The following CCDC171 variants were observed in gnomAD, a reference collection of about 807,000 sequenced individuals.
CCDC171 encodes coiled-coil domain containing 171, also known as coiled-coil domain-containing protein 171.
A neutral mutation model predicts 168.2 loss-of-function variants in CCDC171; 177 were observed. The observed-to-expected ratio is 1.05, with a 90% CI of 0.93 to 1.19. The LOEUF (loss-of-function observed/expected upper bound fraction) is 1.19, where lower values mean the gene tolerates loss of function less well. Ranked by LOEUF, CCDC171 falls within the 50% of genes most tolerant of loss-of-function variation. The pLI is 0.00. For missense variants in CCDC171, 1,991 were observed against 1,539.0 expected (o/e 1.29, Z -4.91); for synonymous variants, 687 against 540.8 (o/e 1.27, Z -3.75).
At chr9:15,554,972 A>C (rs186106371) in intron 1 of CCDC171, among the ~76,000 whole-genome samples, 2 of 152,194 alleles carry the variant, frequency 1.3e-5, no homozygotes, top group African/African-American at 4.8e-5. Context: ...TTTTTCATCC[A>C]CCCATCCCTC....
At chr9:16,047,174 TG>T (rs1252025985) in intron 1 of CCDC171, among the ~76,000 whole-genome samples, 6 of 152,140 alleles carry the variant, frequency 3.9e-5, no homozygotes, top group African/African-American at 1.4e-4. Flanking sequence ...GGGTGGTGAG[TG>T]GGGGTGGCAT....
the CCDC171 span, among the ~76,000 whole-genome samples, chr9:16,098,182 C>T: frequency 3.9e-5 from 6 of 152,286 alleles, no homozygotes; most frequent in East Asian, 3.9e-4. Flanking sequence ...TAGCTAACAT[C>T]GCTGAGCCTT....
chr9:15,632,924 G>C (rs1482634802), intron 7 of CCDC171, among the ~76,000 whole-genome samples: 4 of 152,158 alleles, frequency 2.6e-5, no homozygotes, highest in Non-Finnish European at 4.4e-5. Flanking sequence ...AACGCGGAAA[G>C]GATTCCCTGT....
At position 15,933,448 on chromosome 9, in the gene CCDC171, A is replaced by G. The variant is rs189869757; in HGVS notation, c.3753+13026A>G. Among the ~76,000 whole-genome samples, 116 of 151,866 alleles carry G rather than the reference A, an allele frequency of 7.6e-4. 1 individual carries two copies. Among genetic ancestry groups the G allele is most frequent in the African/African-American group, 2.7e-3 (111 of 41,496 alleles). On this transcript the variant is annotated intron_variant, in intron 25 of 25. Transcript: ENST00000380701. ...GTTTGTCAATTTTGTTTACTTTTCC[A>G]AAAAACGAATGCTTCAGTTTATTAA...
At chr9:15,662,306 A>C (rs999077444) in intron 8 of CCDC171, among the ~76,000 whole-genome samples, 1 of 151,836 alleles carries the variant, frequency 6.6e-6, no homozygotes. Flanking sequence ...AAAAGAATAA[A>C]CATTTCAATT....
chr9:15,646,948 A>G (rs1191610039), intron 7 of CCDC171, among the ~76,000 whole-genome samples: 6 of 152,228 alleles, frequency 3.9e-5, no homozygotes, highest in Middle Eastern at 3.2e-3. Context: ...CAGAATATAC[A>G]TTCTTCTCAG....
At chr9:15,725,376 A>G (rs752185610) in intron 14 of CCDC171, among the ~76,000 whole-genome samples, 1 of 152,172 alleles carries the variant, frequency 6.6e-6, no homozygotes, top group Non-Finnish European at 1.5e-5. Flanking sequence ...TTGGATGCTA[A>G]TACTTCTGTT....
rs761183432 is a variant in CCDC171, at chr9:15,874,573, G to C, written c.3510G>C (p.Arg1170Ser). The part of the protein sequence containing the change: ...QISLSWSAAS[R>S]NDFTLQLPKL... ...CGCTGTCATGGTCTGCGGCAAGTAG[G>C]AATGACTTCACCCTACAGCTACCCA... is the stretch of plus-strand genomic sequence containing the variant. Residue 1170 changes from arginine to serine, a missense_variant, in exon 24 of 26, where the codon AGG (arginine) becomes AGC (serine). By Grantham distance (110) the Arg-to-Ser change is moderately radical. Transcript: ENST00000380701. The C allele has an allele frequency of 3.1e-6, 5 of 1,608,086 alleles. No individual in the cohort carries two copies. The highest frequency in any genetic ancestry group is 1.1e-5 in the South Asian group (1 of 89,952).
At chr9:15,597,843 G>C (rs2042496993) in intron 6 of CCDC171, among the ~76,000 whole-genome samples, 1 of 152,130 alleles carries the variant, frequency 6.6e-6, no homozygotes, top group Admixed American at 6.6e-5. Flanking sequence ...GGTTTACTCA[G>C]AGATTCAACT....
At chr9:15,583,802 G>T (rs2041334160) in intron 4 of CCDC171, among the ~76,000 whole-genome samples, 1 of 151,840 alleles carries the variant, frequency 6.6e-6, no homozygotes, top group Non-Finnish European at 1.5e-5. Context: ...GAAAAAAATT[G>T]TCCTTGATTA....
Position 15,942,585 on chromosome 9 carries a change from A to T in CCDC171, c.3753+22163A>T, listed in dbSNP as rs553020577. Among the ~76,000 whole-genome samples, 5 of 152,082 alleles carry T rather than the reference A, an allele frequency of 3.3e-5. No individual in the cohort carries two copies. The East Asian group carries it at 9.7e-4, about 30-fold the overall frequency. Reference sequence around the variant, plus strand: ...TACTGGAGTACAATAAATAAGTAATAATGGTGAGGAATATACTAGTAGACA... The same window carrying T: ...TACTGGAGTACAATAAATAAGTAATTATGGTGAGGAATATACTAGTAGACA... On this transcript the variant is annotated intron_variant, in intron 25 of 25. Coordinates refer to ENST00000380701, the MANE Select transcript of CCDC171 (RefSeq NM_173550.4).
intron 1 of CCDC171, among the ~76,000 whole-genome samples, chr9:15,555,274 A>G (rs1351764852): frequency 6.6e-6 from 1 of 152,170 alleles, no homozygotes; most frequent in Non-Finnish European, 1.5e-5. Context: ...TCCACTATCA[A>G]AAAAAGATTA....
At chr9:16,010,469 T>C (rs535545587) in intron 3 of CCDC171, among the ~76,000 whole-genome samples, 49 of 151,968 alleles carry the variant, frequency 3.2e-4, no homozygotes, top group Non-Finnish European at 5.6e-4. Flanking sequence ...GCCATATGTG[T>C]CTCTCTGGAA....
intron 21 of CCDC171, among the ~76,000 whole-genome samples, chr9:15,796,158 G>A (rs1235738122): frequency 6.6e-6 from 1 of 151,836 alleles, no homozygotes; most frequent in Middle Eastern, 3.2e-3. Context: ...AAGAGATAAG[G>A]TATGAATAGA....
At chr9:15,778,313 CAAAAAAAAAAAAAAAAAAA>C (rs71325933) in intron 19 of CCDC171, among the ~76,000 whole-genome samples, 10 of 38,100 alleles carry the variant, frequency 2.6e-4, no homozygotes, top group African/African-American at 9.0e-4. Context: ...GACTCCGTCT[CAAAAAAAAAAAAAAAAAAA>C]AAAAAAAAAA....
At chr9:16,082,544 A>G in the CCDC171 span, among the ~76,000 whole-genome samples, 1 of 152,238 alleles carries the variant, frequency 6.6e-6, no homozygotes, top group Non-Finnish European at 1.5e-5. Context: ...TGTAAAGCAA[A>G]GAAGGGCTAA....
chr9:16,012,983 A>G (rs1410469040), intron 3 of CCDC171, among the ~76,000 whole-genome samples: 1 of 152,112 alleles, frequency 6.6e-6, no homozygotes, highest in Admixed American at 6.6e-5. Flanking sequence ...TGGTACTTCG[A>G]CTTCTCAAGC....
At chr9:16,104,513 C>G in the CCDC171 span, among the ~76,000 whole-genome samples, 3 of 152,148 alleles carry the variant, frequency 2.0e-5, no homozygotes, top group Non-Finnish European at 2.9e-5. Flanking sequence ...AACACCTTCA[C>G]CTATTGACTG....
chr9:15,789,426 C>T (rs182528006), intron 21 of CCDC171, among the ~76,000 whole-genome samples: 19 of 152,118 alleles, frequency 1.2e-4, no homozygotes, highest in Admixed American at 5.9e-4. Context: ...CCTAAAGCTC[C>T]GACATTAAGA....
Sources: allele counts gnomAD v4.1 joint callset (sites outside exome capture counted in the v4.1 genomes callset), GRCh38; gene constraint gnomAD v4.1.1; transcripts MANE v1.5; gene names NCBI Gene and HGNC (gene_info 2026-07-23, HGNC 2026-07-21).